The following CHD1L variants were observed in gnomAD, a reference collection of about 807,000 sequenced individuals.
The protein encoded by CHD1L is chromodomain helicase DNA binding protein 1 like.
In CHD1L, 118 loss-of-function variants were observed where a neutral mutation model predicts 115.9. The ratio of observed to expected loss-of-function variants is 1.02; its 90% CI spans 0.88 to 1.19. CHD1L has a LOEUF of 1.19. CHD1L is among the 50% of genes most tolerant of loss of function. The pLI is 0.00. For synonymous variants in CHD1L, 411 were observed against 387.1 expected, an observed-to-expected ratio of 1.06 and a Z score of -0.72; for missense variants, 1,179 against 1,065.3, an observed-to-expected ratio of 1.11 and a Z score of -1.49.
chr1:147,250,017 G>A (rs1667916687), intron 1 of CHD1L, among the ~76,000 whole-genome samples: 1 of 151,890 alleles, frequency 6.6e-6, no homozygotes, highest in African/African-American at 2.4e-5. Flanking sequence ...AGCATCAGTA[G>A]CCTTTTATTT....
the CHD1L span, chr1:147,178,356 A>G: frequency 6.2e-7 from 1 of 1,612,410 alleles, no homozygotes; most frequent in Middle Eastern, 1.7e-4. Flanking sequence ...TCCCATTAGC[A>G]AAGGCTGATT....
At position 147,266,258 on chromosome 1, in the gene CHD1L, T is replaced by C. The variant is rs587651774; in HGVS notation, c.895+171T>C. ...GGACTGTGGCAGAGCATCTTAAAGA[T>C]AACAGCCTTGGTTGTTGCAGTTGTG... On this transcript the variant is annotated intron_variant, in intron 8 of 22. Transcript: ENST00000369258. 1.6e-4 allele frequency among the ~76,000 whole-genome samples: 24 copies of C among 152,332 alleles called. No individual in the cohort carries two copies. The South Asian group carries it at 5.0e-3, about 32-fold the overall frequency.
the CHD1L span, among the ~76,000 whole-genome samples, chr1:147,190,660 A>C: frequency 6.6e-6 from 1 of 152,014 alleles, no homozygotes; most frequent in African/African-American, 2.4e-5. Context: ...ATCAACAGAA[A>C]GAGAATGAAG....
chr1:147,291,112 A>G (rs1553970076), intron 19 of CHD1L, among the ~76,000 whole-genome samples: 1 of 152,122 alleles, frequency 6.6e-6, no homozygotes, highest in African/African-American at 2.4e-5. Context: ...ACAGGTAGAG[A>G]TAAAGTAGAA....
At chr1:147,190,291 G>C in the CHD1L span, 1 of 1,198,370 alleles carries the variant, frequency 8.3e-7, no homozygotes, top group South Asian at 1.3e-5. Context: ...AATTACCTCA[G>C]AAGGAACAAT....
chr1:147,201,116 C>G, the CHD1L span: 1 of 1,447,922 alleles, frequency 6.9e-7, no homozygotes, highest in Non-Finnish European at 9.5e-7. Flanking sequence ...AACATATCAC[C>G]AAGTAATTAA....
chr1:147,267,714 A>G (rs1272343732), intron 9 of CHD1L, among the ~76,000 whole-genome samples, 196 bp downstream of exon 9: 5 of 151,776 alleles, frequency 3.3e-5, no homozygotes, highest in Non-Finnish European at 7.4e-5. Context: ...TTCTGGCTAT[A>G]TTTTTCTTTT....
At chr1:147,229,493 C>G in the CHD1L span, among the ~76,000 whole-genome samples, 1 of 152,162 alleles carries the variant, frequency 6.6e-6, no homozygotes, top group Non-Finnish European at 1.5e-5. Flanking sequence ...GCGATGCGGG[C>G]TCTTTTTTGG....
chr1:147,255,249 CAG>C (rs1283225379), intron 3 of CHD1L, among the ~76,000 whole-genome samples: 2 of 152,146 alleles, frequency 1.3e-5, no homozygotes, highest in Non-Finnish European at 2.9e-5. Flanking sequence ...TGTTTTGAGA[CAG>C]AGTTTTGCTC....
intron 1 of CHD1L, among the ~76,000 whole-genome samples, chr1:147,248,641 G>C (rs1667391365): frequency 6.6e-6 from 1 of 152,040 alleles, no homozygotes; most frequent in African/African-American, 2.4e-5. Context: ...GCCTTCCTGT[G>C]AATTATTTGA....
intron 1 of CHD1L, among the ~76,000 whole-genome samples, chr1:147,247,269 TATC>T (rs1344546592): frequency 6.6e-6 from 1 of 152,148 alleles, no homozygotes; most frequent in Non-Finnish European, 1.5e-5. Flanking sequence ...CCCCACCAAA[TATC>T]ATGTTGAAAT....
the CHD1L span, chr1:147,179,630 C>A: frequency 1.3e-6 from 2 of 1,498,162 alleles, no homozygotes; most frequent in Non-Finnish European, 1.9e-6. Flanking sequence ...ATCTCTAAAG[C>A]AGTAGGCAAA....
chr1:147,294,393 C>G lies in CHD1L; in HGVS notation c.2507-16C>G, dbSNP rs782719129. ...TTTTTGATGAGTGAAGACATGTGTTCTTCTCTTCATAATAGCAAGTGTTCA... is the reference window on the plus strand; with the variant it reads ...TTTTTGATGAGTGAAGACATGTGTTGTTCTCTTCATAATAGCAAGTGTTCA... On this transcript the variant is annotated splice_polypyrimidine_tract_variant and intron_variant, in intron 21 of 22. Coordinates refer to ENST00000369258, the MANE Select transcript of CHD1L (RefSeq NM_004284.6). The G allele has an allele frequency of 6.9e-6, 11 of 1,592,716 alleles. No homozygotes were observed. The South Asian group carries it at 9.1e-5, about 13-fold the overall frequency.
chr1:147,280,143 G>C lies in CHD1L; in HGVS notation c.1657G>C (p.Asp553His). The C allele has an allele frequency of 6.2e-7, 1 of 1,613,022 alleles. No homozygotes were observed. The highest frequency in any genetic ancestry group is 8.5e-7 in the Non-Finnish European group (1 of 1,179,574). ...AACAAAAGATGGCCAGTGGGTCTCTGATGCCTTGCCTGCAGCAGAAGGAGG... is the reference window on the plus strand; with the variant it reads ...AACAAAAGATGGCCAGTGGGTCTCTCATGCCTTGCCTGCAGCAGAAGGAGG... Reference protein sequence around the residue: ...GETKDGQWVSDALPAAEGGSR... With the variant: ...GETKDGQWVSHALPAAEGGSR... The change falls in exon 15 of 23, where the codon GAT (aspartate) becomes CAT (histidine). Residue 553 changes from aspartate (D) to histidine (H), a missense_variant. Transcript: ENST00000369258.
chr1:147,256,663 A>T, intron 5 of CHD1L, 101 bp downstream of exon 5: 2 of 1,130,352 alleles, frequency 1.8e-6, no homozygotes, highest in South Asian at 1.3e-5. Flanking sequence ...CATGTCTGGT[A>T]TGTCTTCCAT....
At chr1:147,289,596 C>A (rs1684704812) in intron 19 of CHD1L, among the ~76,000 whole-genome samples, 1 of 152,058 alleles carries the variant, frequency 6.6e-6, no homozygotes, top group African/African-American at 2.4e-5. Context: ...CAGGTTGCAG[C>A]AAAGTAGGTG....
At chr1:147,285,222 T>C in intron 16 of CHD1L, 102 bp from the exon 17 acceptor site, 1 of 1,310,852 alleles carries the variant, frequency 7.6e-7, no homozygotes, top group Non-Finnish European at 1.1e-6. Flanking sequence ...CAGTGTTCTG[T>C]GGAATATTAA....
chr1:147,289,402 G>A (rs1373274077), intron 19 of CHD1L, among the ~76,000 whole-genome samples: 1 of 152,182 alleles, frequency 6.6e-6, no homozygotes, highest in Non-Finnish European at 1.5e-5. Flanking sequence ...TGTCAAGAAG[G>A]CAAAGAAGTT....
chr1:147,264,564 T>C lies in CHD1L; in HGVS notation c.719T>C (p.Ile240Thr). Residue 240 changes from isoleucine (I) to threonine (T), a missense_variant, in exon 7 of 23, where the codon ATT (isoleucine) becomes ACT (threonine). Transcript: ENST00000369258. ...GATTTTATTCAACGCTACCAGGATA[T>C]TGAGAAAGAATCTGAGTCAGGCAAG... ...VGDFIQRYQD[I>T]EKESESASEL... is the part of the protein sequence containing the mutation. 2.5e-6 allele frequency: 4 copies of C among 1,613,434 alleles called. No homozygotes were observed. The highest frequency in any genetic ancestry group is 3.4e-6 in the Non-Finnish European group (4 of 1,179,740).
Sources: allele counts gnomAD v4.1 joint callset (sites outside exome capture counted in the v4.1 genomes callset), GRCh38; gene constraint gnomAD v4.1.1; transcripts MANE v1.5; gene names NCBI Gene and HGNC (gene_info 2026-07-23, HGNC 2026-07-21).